Variants in RBM42 observed in about 807,000 individuals in gnomAD.
RBM42 encodes RNA-binding protein 42.
Under a neutral mutation model 41.4 loss-of-function variants are expected in RBM42, and 21 were observed. That is an observed-to-expected ratio of 0.51 (90% CI 0.36 to 0.73). RBM42 has a LOEUF of 0.73. Ranked by LOEUF, RBM42 falls within the 30% of genes least tolerant of loss-of-function variation. The probability of loss-of-function intolerance (pLI) is 0.00; values close to 1 mark genes in which losing one functional copy is unlikely to be tolerated. For missense variants in RBM42, 539 were observed against 680.4 expected (o/e 0.79, Z 2.31); for synonymous variants, 272 against 271.2 (o/e 1.00, Z -0.03).
chr19:35,634,032 C>A lies in RBM42; in HGVS notation c.1017+13C>A, dbSNP rs368870529. 6.7e-7 allele frequency: 1 copy of A among 1,485,404 alleles called. No individual in the cohort carries two copies. Among genetic ancestry groups the A allele is most frequent in the Non-Finnish European group, 8.9e-7 (1 of 1,122,436 alleles). The allele number at this position is 1,485,404 out of a possible 1,614,324, so 92.0% of individuals were successfully genotyped here. On this transcript the variant is annotated intron_variant, in intron 7 of 9. Transcript: ENST00000262633. ...CATGGCTCTTGAGGTAAGCAGGGAG[C>A]CTAGCGGTGAAGGGACAGAAGGGAC...
chr19:35,629,259 G>A lies in RBM42; in HGVS notation c.106G>A (p.Glu36Lys). The A allele has an allele frequency of 6.5e-7, 1 of 1,535,636 alleles. No homozygotes were observed. The highest frequency in any genetic ancestry group is 8.7e-7 in the Non-Finnish European group (1 of 1,144,542). Residue 36 changes from glutamate to lysine, a missense_variant, in exon 1 of 10, where the codon GAA becomes AAA. Glu to Lys is a moderately conservative substitution (Grantham distance 56). Coordinates refer to ENST00000262633, the MANE Select transcript of RBM42 (RefSeq NM_024321.5). ...PGKSGEERLK[E>K]MEAEMALFEQ... is the part of the protein sequence containing the mutation. ...CAAAAGCGGCGAGGAACGCTTGAAGGAAATGGAGGCGGAGATGGCCCTGTA... is the reference window on the plus strand; with the variant it reads ...CAAAAGCGGCGAGGAACGCTTGAAGAAAATGGAGGCGGAGATGGCCCTGTA...
At position 35,634,012 on chromosome 19, in the gene RBM42, C is replaced by T. The variant is rs750383775; in HGVS notation, c.1010C>T (p.Ala337Val). Residue 337 changes from alanine (A) to valine (V), a missense_variant, in exon 7 of 10, where the codon GCT (alanine) becomes GTT (valine). Around this residue, in one of 2 missense-constraint regions of RBM42, gnomAD observed 429 missense variants for 488.9 expected, o/e 0.88. Coordinates refer to ENST00000262633, the MANE Select transcript of RBM42 (RefSeq NM_024321.5). ...CCAGAGCCACCCCCAGGCCTCATGG[C>T]TCTTGAGGTAAGCAGGGAGCCTAGC... ...PRPEPPPGLM[A>V]LEVPEPLGED... The T allele has an allele frequency of 1.3e-6, 2 of 1,506,498 alleles. No individual in the cohort carries two copies. The highest frequency in any genetic ancestry group is 1.8e-6 in the Non-Finnish European group (2 of 1,133,558). The allele number at this position is 1,506,498 out of a possible 1,614,324, so 93.3% of individuals were successfully genotyped here. A position where few individuals can be genotyped will look rare whatever the true frequency, so the allele number is the denominator to read the frequency against.
intron 4 of RBM42, among the ~76,000 whole-genome samples, chr19:35,632,690 C>T (rs894769676): frequency 6.6e-6 from 1 of 152,064 alleles, no homozygotes. Context: ...TCCCTGAGAA[C>T]CCTGGGTCTG....
chr19:35,633,293 A>G (rs1967439238), intron 6 of RBM42, 41 bp downstream of exon 6: 2 of 1,470,288 alleles, frequency 1.4e-6, no homozygotes, highest in African/African-American at 1.4e-5. Flanking sequence ...TGTGCGGTGG[A>G]CGGGGAGACC....
chr19:35,630,547 C>A (rs1387890974), intron 2 of RBM42, among the ~76,000 whole-genome samples: 1 of 152,176 alleles, frequency 6.6e-6, no homozygotes, highest in Non-Finnish European at 1.5e-5. Flanking sequence ...GCGGGTAGAT[C>A]ACAAGGTCAG....
Position 35,629,526 on chromosome 19 carries a change from G to A in RBM42, c.135G>A (p.Glu45=), listed in dbSNP as rs764416047. ...GTCTGTTCTACTCCTCCAGGTTTGA[G>A]CAGGAAGTTCTGGGGGCTCCAGTAC... The part of the protein sequence containing the change: ...KEMEAEMALF[E]QEVLGAPVPG... The change falls in exon 2 of 10, where the codon GAG becomes GAA. Residue 45 remains glutamate, a synonymous_variant. Transcript: ENST00000262633. The A allele has an allele frequency of 1.9e-6, 3 of 1,614,060 alleles. No homozygotes were observed. In the African/African-American group the frequency reaches 4.0e-5, roughly 22 times the overall value.
At chr19:35,634,861 C>T (rs1042418299) in intron 8 of RBM42, among the ~76,000 whole-genome samples, 6 of 151,880 alleles carry the variant, frequency 4.0e-5, no homozygotes, top group South Asian at 2.1e-4. Flanking sequence ...AGTAAACACC[C>T]GTCTACCCAC....
Position 35,629,402 on chromosome 19 carries a change from G to T in RBM42, c.129-118G>T. The T allele has an allele frequency of 2.6e-6, 4 of 1,533,816 alleles. No individual in the cohort carries two copies. The East Asian group carries it at 9.1e-5, about 35-fold the overall frequency. ...TAACATGGGGAAGTGGGACCTTCGG[G>T]ATTGTGGGGGCGGGGATAGGGGAGA... On this transcript the variant is annotated intron_variant, in intron 1 of 9. Transcript: ENST00000262633.
In RBM42 at chr19:35,637,204, T is replaced by C; in HGVS notation, c.1182T>C (p.Asp394=). ...GGGATCTGGGCAATGAGGTGAACGA[T>C]GACATCTTGGCACGCGCCTTCAGCC... is the stretch of plus-strand genomic sequence containing the variant. ...FCGDLGNEVN[D]DILARAFSRF... Residue 394 remains aspartate (D), a synonymous_variant, in exon 9 of 10, where the codon GAT becomes GAC. Transcript: ENST00000262633. The surrounding 1 kb of genome is among the most constrained non-coding windows in gnomAD (Gnocchi z 7.0). 2 of 1,614,162 alleles carry C rather than the reference T, an allele frequency of 1.2e-6. No homozygotes were observed. Among genetic ancestry groups the C allele is most frequent in the Non-Finnish European group, 1.7e-6 (2 of 1,180,014 alleles).
intron 4 of RBM42, 120 bp downstream of exon 4, chr19:35,631,525 T>C: frequency 1.0e-6 from 1 of 961,082 alleles, no homozygotes; most frequent in Non-Finnish European, 1.6e-6. Flanking sequence ...CTTGATGTTG[T>C]CATCCTAAAG....
intron 4 of RBM42, among the ~76,000 whole-genome samples, chr19:35,632,383 A>T (rs1254030781): frequency 1.3e-5 from 2 of 152,172 alleles, no homozygotes; most frequent in East Asian, 3.8e-4. Flanking sequence ...GACACTCTCT[A>T]AGCCCCACTA....
Position 35,633,700 on chromosome 19 carries a change from C to A in RBM42, c.698C>A (p.Ala233Glu). ...TCTTACCCACAGGAAGAGCCAGCAG[C>A]ACCCCGAGAGCTGGGCCTAGGCCTG... The part of the protein sequence containing the change: ...ALRPPLEEPA[A>E]PRELGLGLGL... The change falls in exon 7 of 10, where the codon GCA (alanine) becomes GAA (glutamate). Residue 233 changes from alanine to glutamate, a missense_variant. Ala to Glu is a moderately radical substitution (Grantham distance 107, BLOSUM62 -1). Coordinates refer to ENST00000262633, the MANE Select transcript of RBM42 (RefSeq NM_024321.5). 1.4e-6 allele frequency: 2 copies of A among 1,461,990 alleles called. No homozygotes were observed. The highest frequency in any genetic ancestry group is 9.0e-7 in the Non-Finnish European group (1 of 1,111,314). 90.6% of individuals were successfully genotyped at this position (1,461,990 alleles called of 1,614,324 possible).
At chr19:35,635,989 C>T (rs1967490519) in intron 8 of RBM42, among the ~76,000 whole-genome samples, 1 of 152,092 alleles carries the variant, frequency 6.6e-6, no homozygotes, top group African/African-American at 2.4e-5. Context: ...ATCACAGACG[C>T]CATGGGGCAG....
rs1967358673 is a variant in RBM42, at chr19:35,629,151, G to T, written c.-3G>T. 2 of 1,522,254 alleles carry T rather than the reference G, an allele frequency of 1.3e-6. No individual in the cohort carries two copies. Among genetic ancestry groups the T allele is most frequent in the Non-Finnish European group, 1.8e-6 (2 of 1,138,878 alleles). 94.3% of individuals were successfully genotyped at this position (1,522,254 alleles called of 1,614,324 possible). ...AGTAGCGGCGACAGCGACGACGGCA[G>T]CGATGGCTGGGGCGGGGCCAGCCCC... On this transcript the variant is annotated 5_prime_UTR_variant, in exon 1 of 10. Transcript: ENST00000262633.
intron 2 of RBM42, 149 bp downstream of exon 2, chr19:35,629,822 A>G: frequency 1.2e-6 from 1 of 800,724 alleles, no homozygotes; most frequent in South Asian, 1.8e-5. Flanking sequence ...CACAGTAATG[A>G]CTGAGAGAGA....
chr19:35,634,298 G>T lies in RBM42; in HGVS notation c.1060G>T (p.Glu354Ter). The change falls in exon 8 of 10, where the codon GAG becomes TAG. Residue 354 changes from glutamate to a stop codon, truncating the protein, a stop_gained. Coordinates refer to ENST00000262633, the MANE Select transcript of RBM42 (RefSeq NM_024321.5). LOFTEE classifies it high-confidence loss of function. Reference sequence around the variant, plus strand: ...TGAAGACAAGAAGAAGGGGAAGCCAGAGAAATTGAAACGGTGCATTCGCAC... The same window carrying T: ...TGAAGACAAGAAGAAGGGGAAGCCATAGAAATTGAAACGGTGCATTCGCAC... The part of the protein sequence containing the change: ...LGEDKKKGKP[E>*]KLKRCIRTAA... 1 of 1,614,200 alleles carries T rather than the reference G, an allele frequency of 6.2e-7. No individual in the cohort carries two copies. Among genetic ancestry groups the T allele is most frequent in the South Asian group, 1.1e-5 (1 of 91,062 alleles).
Position 35,637,142 on chromosome 19 carries a change from T to C in RBM42, c.1136-16T>C. The C allele has an allele frequency of 6.2e-7, 1 of 1,603,568 alleles. No individual in the cohort carries two copies. Among genetic ancestry groups the C allele is most frequent in the Non-Finnish European group, 8.5e-7 (1 of 1,174,396 alleles). On this transcript the variant is annotated splice_polypyrimidine_tract_variant and intron_variant, in intron 8 of 9. Coordinates refer to ENST00000262633, the MANE Select transcript of RBM42 (RefSeq NM_024321.5). The surrounding 1 kb of genome is among the most constrained non-coding windows in gnomAD (Gnocchi z 7.0). ...GGCCTCTGCATCCTCTGATGTCATCTCTTCCCCATCCCCAGATGACTTCCG... is the reference window on the plus strand; with the variant it reads ...GGCCTCTGCATCCTCTGATGTCATCCCTTCCCCATCCCCAGATGACTTCCG...
intron 8 of RBM42, among the ~76,000 whole-genome samples, chr19:35,635,241 A>C (rs1967475499): frequency 6.6e-6 from 1 of 150,646 alleles, no homozygotes; most frequent in Non-Finnish European, 1.5e-5. Flanking sequence ...GCCTGAACCC[A>C]GGAGGCAGAG....
chr19:35,634,928 G>T (rs1428154538), intron 8 of RBM42, among the ~76,000 whole-genome samples: 1 of 152,042 alleles, frequency 6.6e-6, no homozygotes, highest in Non-Finnish European at 1.5e-5. Context: ...CTTTGTGTAT[G>T]TATCTGGTTT....
Sources: allele counts gnomAD v4.1 joint callset (sites outside exome capture counted in the v4.1 genomes callset), GRCh38; gene constraint gnomAD v4.1.1; regional missense constraint gnomAD v4.1.1; non-coding constraint Gnocchi (gnomAD v3.1); transcripts MANE v1.5; gene names NCBI Gene and HGNC (gene_info 2026-07-23, HGNC 2026-07-21).